The following C5orf24 variants were observed in gnomAD, a reference collection of about 807,000 sequenced individuals.
C5orf24 encodes chromosome 5 open reading frame 24, also known as UPF0461 protein C5orf24.
A neutral mutation model predicts 9.8 loss-of-function variants in C5orf24; 4 were observed. The ratio of observed to expected loss-of-function variants is 0.41; its 90% confidence interval spans 0.20 to 0.93. The LOEUF (loss-of-function observed/expected upper bound fraction) is 0.93, where lower values mean the gene tolerates loss of function less well. Among genes scored for constraint, C5orf24 ranks in the 40% least tolerant of loss-of-function variants. The probability of loss-of-function intolerance (pLI) is 0.33; values close to 1 mark genes in which losing one functional copy is unlikely to be tolerated. For synonymous variants in C5orf24, 73 were observed against 81.3 expected (o/e 0.90, Z 0.55); for missense variants, 170 against 236.9 (o/e 0.72, Z 1.85).
At position 134,857,209 on chromosome 5, in the gene C5orf24, C is replaced by A. The variant is rs1756338140; in HGVS notation, c.*1742C>A. On this transcript the variant is annotated 3_prime_UTR_variant, in exon 2 of 2. Coordinates refer to ENST00000394976, the MANE Select transcript of C5orf24 (RefSeq NM_001135586.1). The stretch of plus-strand genomic sequence containing the variant: ...ATGTTTGTATTTGGGATTTTAAATG[C>A]CTTTGAGATTAAAATGTAGAATTGC... 5 of 1,283,338 alleles carry A rather than the reference C, an allele frequency of 3.9e-6. No homozygotes were observed. Among genetic ancestry groups the A allele is most frequent in the South Asian group, 2.8e-5 (1 of 35,706 alleles). 79.5% of individuals were successfully genotyped at this position (1,283,338 alleles called of 1,614,324 possible).
chr5:134,851,033 T>G (rs1257036129), intron 1 of C5orf24, among the ~76,000 whole-genome samples: 2 of 150,172 alleles, frequency 1.3e-5, no homozygotes, highest in Non-Finnish European at 2.9e-5. Flanking sequence ...TATTTATTTA[T>G]TTTTGTTACC....
At chr5:134,837,949 T>G in the C5orf24 span, among the ~76,000 whole-genome samples, 3 of 152,176 alleles carry the variant, frequency 2.0e-5, no homozygotes, top group Non-Finnish European at 4.4e-5. Flanking sequence ...TATATGAAAG[T>G]ATCTAAGAAC....
chr5:134,836,608 A>G, the C5orf24 span, among the ~76,000 whole-genome samples: 12 of 152,072 alleles, frequency 7.9e-5, no homozygotes, highest in Non-Finnish European at 1.5e-4. Flanking sequence ...CAGTGGCGCA[A>G]TCTTGGCTCA....
chr5:134,852,519 T>C (rs1256192485), intron 1 of C5orf24, among the ~76,000 whole-genome samples: 1 of 152,242 alleles, frequency 6.6e-6, no homozygotes, highest in Non-Finnish European at 1.5e-5. Context: ...AAGTTTACAG[T>C]GGTTTTCGCT....
Position 134,858,259 on chromosome 5 carries a change from T to G in C5orf24, c.*2792T>G, listed in dbSNP as rs928493225. 6.0e-6 allele frequency: 1 copy of G among 167,068 alleles called. No individual in the cohort carries two copies. The highest frequency in any genetic ancestry group is 1.5e-5 in the Non-Finnish European group (1 of 68,112). 10.3% of individuals were successfully genotyped at this position (167,068 alleles called of 1,614,324 possible). On this transcript the variant is annotated 3_prime_UTR_variant, in exon 2 of 2. Transcript: ENST00000394976. ...GTGAGCATCTCCTGATTCCACTTAC[T>G]TTTCTCCCTGTGAACAGTTTACCGG...
rs1380107927 is a variant in C5orf24 at position 134,854,058 on chromosome 5, T to C, written c.-3-840T>C. Among the ~76,000 whole-genome samples the C allele has an allele frequency of 5.3e-5, 8 of 152,276 alleles. No individual in the cohort carries two copies. In the East Asian group the frequency reaches 7.7e-4, roughly 15 times the overall value. ...TCGAGTCACTGCACTCCAGCCTGGG[T>C]GACAGAGCAAGACTCCATCTCAAAA... On this transcript the variant is annotated intron_variant, in intron 1 of 1. Coordinates refer to ENST00000394976, the MANE Select transcript of C5orf24 (RefSeq NM_001135586.1).
Position 134,856,310 on chromosome 5 carries a change from C to A in C5orf24, c.*843C>A. 3.0e-6 allele frequency: 3 copies of A among 995,070 alleles called. No homozygotes were observed. Among genetic ancestry groups the A allele is most frequent in the Non-Finnish European group, 3.6e-6 (3 of 825,334 alleles). 61.6% of individuals were successfully genotyped at this position (995,070 alleles called of 1,614,324 possible). On this transcript the variant is annotated 3_prime_UTR_variant, in exon 2 of 2. Transcript: ENST00000394976. Reference sequence around the variant, plus strand: ...CTAGGTTTGCATGTAGCTATAGTCACTATATTTTGCCTTTCATATAGAAAG... The same window carrying A: ...CTAGGTTTGCATGTAGCTATAGTCAATATATTTTGCCTTTCATATAGAAAG...
At chr5:134,836,168 CTTTTTTTTT>C in the C5orf24 span, among the ~76,000 whole-genome samples, 9 of 86,434 alleles carry the variant, frequency 1.0e-4, no homozygotes, top group African/African-American at 3.8e-4. Flanking sequence ...CATTGAGAAG[CTTTTTTTTT>C]TTTTTTTTTT....
intron 1 of C5orf24, among the ~76,000 whole-genome samples, chr5:134,853,436 A>G (rs1364592532): frequency 7.0e-6 from 1 of 142,890 alleles, no homozygotes; most frequent in East Asian, 2.2e-4. Context: ...TTGTTGTGGT[A>G]GTGGTTTTAA....
Position 134,855,023 on chromosome 5 carries a change from A to G in C5orf24, c.123A>G (p.Lys41=), listed in dbSNP as rs368441862. The G allele has an allele frequency of 3.1e-6, 5 of 1,614,076 alleles. No homozygotes were observed. In the African/African-American group the frequency reaches 4.0e-5, roughly 13 times the overall value. ...ACATATATTCCTCCCAGCAAAGCAA[A>G]TACAGCCACACAGTCAACCACAAAC... ...QFDIYSSQQS[K]YSHTVNHKPM... Residue 41 remains lysine (K), a synonymous_variant, in exon 2 of 2, where the codon AAA becomes AAG. Coordinates refer to ENST00000394976, the MANE Select transcript of C5orf24 (RefSeq NM_001135586.1).
chr5:134,851,159 C>T (rs1029964506), intron 1 of C5orf24, among the ~76,000 whole-genome samples: 2 of 151,796 alleles, frequency 1.3e-5, no homozygotes, highest in African/African-American at 4.8e-5. Context: ...AACTCCTGAC[C>T]TTAGGTGATT....
the C5orf24 span, among the ~76,000 whole-genome samples, chr5:134,836,168 CTTTTTTTTTTT>C: frequency 1.2e-5 from 1 of 86,434 alleles, no homozygotes; most frequent in African/African-American, 4.8e-5. Flanking sequence ...CATTGAGAAG[CTTTTTTTTTTT>C]TTTTTTTTTT....
upstream of C5orf24, among the ~76,000 whole-genome samples, chr5:134,845,011 C>T (rs1291754758): frequency 6.6e-6 from 1 of 152,228 alleles, no homozygotes; most frequent in Admixed American, 6.5e-5. Context: ...GCTGGGATTA[C>T]AGGCGTGAGC....
upstream of C5orf24, among the ~76,000 whole-genome samples, chr5:134,841,138 A>G (rs2073313885): frequency 6.6e-6 from 1 of 152,080 alleles, no homozygotes; most frequent in Non-Finnish European, 1.5e-5. Context: ...GCCCCTCTAC[A>G]TCGTAGAAGG....
chr5:134,853,373 A>AAC (rs1656691669), intron 1 of C5orf24, among the ~76,000 whole-genome samples: 1 of 150,862 alleles, frequency 6.6e-6, no homozygotes, highest in Admixed American at 6.6e-5. Flanking sequence ...AAAAAAAAAA[A>AAC]AAAAAAACCT....
At position 134,859,295 on chromosome 5, in the gene C5orf24, A is replaced by G. The variant is rs535094816; in HGVS notation, c.*3828A>G. 6.0e-6 allele frequency: 1 copy of G among 167,102 alleles called. No homozygotes were observed. Among genetic ancestry groups the G allele is most frequent in the African/African-American group, 2.4e-5 (1 of 41,574 alleles). The allele number at this position is 167,102 out of a possible 1,614,324, so 10.4% of individuals were successfully genotyped here. On this transcript the variant is annotated 3_prime_UTR_variant, in exon 2 of 2. Coordinates refer to ENST00000394976, the MANE Select transcript of C5orf24 (RefSeq NM_001135586.1). ...CTTGGACATAAAAAATTTTGATGCT[A>G]TTCTATTTTTGTTTTTATTACAGCT...
intron 1 of C5orf24, among the ~76,000 whole-genome samples, chr5:134,852,526 C>T (rs533192891): frequency 1.3e-4 from 20 of 152,316 alleles, no homozygotes; most frequent in East Asian, 7.7e-4. Context: ...CAGTGGTTTT[C>T]GCTAACCTTA....
At chr5:134,848,833 T>C (rs1435326935) in intron 1 of C5orf24, among the ~76,000 whole-genome samples, 1 of 151,102 alleles carries the variant, frequency 6.6e-6, no homozygotes, top group Non-Finnish European at 1.5e-5. Context: ...GGCATGTGCC[T>C]GTAATCCCAG....
At chr5:134,838,563 G>A in the C5orf24 span, among the ~76,000 whole-genome samples, 3 of 152,078 alleles carry the variant, frequency 2.0e-5, no homozygotes, top group Non-Finnish European at 4.4e-5. Flanking sequence ...CCAGCTACTC[G>A]GGAGGCTGAG....
Sources: allele counts gnomAD v4.1 joint callset (sites outside exome capture counted in the v4.1 genomes callset), GRCh38; gene constraint gnomAD v4.1.1; transcripts MANE v1.5; gene names NCBI Gene and HGNC (gene_info 2026-07-23, HGNC 2026-07-21).